The following APC variants were observed in gnomAD, a reference collection of about 807,000 sequenced individuals.
APC encodes the protein adenomatous polyposis coli protein.
Under a neutral mutation model 247.0 loss-of-function variants are expected in APC, and 72 were observed. That is an observed-to-expected ratio of 0.29 (90% CI 0.24 to 0.35). APC has a LOEUF of 0.35. Ranked by LOEUF, APC falls within the 10% of genes least tolerant of loss-of-function variation. The pLI is 1.00. For synonymous variants in APC, 1,254 were observed against 1,162.5 expected (o/e 1.08, Z -1.60); for missense variants, 3,400 against 3,360.7 (o/e 1.01, Z -0.29).
chr5:112,727,310 A>G (rs1751842260), intron 1 of APC, among the ~76,000 whole-genome samples: 2 of 152,168 alleles, frequency 1.3e-5, no homozygotes, highest in Admixed American at 1.3e-4. Flanking sequence ...AAGACCAAGG[A>G]AAGACTTTCA....
At chr5:112,813,633 C>G (rs758631532) in intron 8 of APC, among the ~76,000 whole-genome samples, 4 of 151,886 alleles carry the variant, frequency 2.6e-5, no homozygotes, top group African/African-American at 9.7e-5. Flanking sequence ...AATACGTCAC[C>G]ATAGCTGGGC....
At chr5:112,710,600 T>A (rs1459935313) in intron 1 of APC, among the ~76,000 whole-genome samples, 1 of 152,236 alleles carries the variant, frequency 6.6e-6, no homozygotes, top group Non-Finnish European at 1.5e-5. Context: ...GTGTGTGCTG[T>A]TCAACTCTAG....
intron 9 of APC, 51 bp downstream of exon 9, chr5:112,815,644 A>C (rs562360516): frequency 1.4e-6 from 2 of 1,477,642 alleles, no homozygotes; most frequent in African/African-American, 2.8e-5. Flanking sequence ...TACTTTGCTA[A>C]GACATTCTTG....
At chr5:112,746,663 TCAAAGGAAAA>T (rs1343453257) in intron 1 of APC, among the ~76,000 whole-genome samples, 1 of 152,090 alleles carries the variant, frequency 6.6e-6, no homozygotes, top group Admixed American at 6.6e-5. Context: ...AACTTTAAAC[TCAAAGGAAAA>T]TGCCTAAACA....
chr5:112,786,906 GAGTC>G (rs34244415), intron 6 of APC, among the ~76,000 whole-genome samples: 48,937 of 90,886 alleles, frequency 0.54, 10,615 homozygotes, highest in East Asian at 0.71. Flanking sequence ...TTTTTTTTTT[GAGTC>G]AGAGTCTTAC....
chr5:112,787,161 T>G (rs527741887), intron 6 of APC, among the ~76,000 whole-genome samples: 1 of 152,260 alleles, frequency 6.6e-6, no homozygotes, highest in Admixed American at 6.5e-5. Context: ...ATGTTGAGAT[T>G]ACAGGCGTGA....
chr5:112,740,971 C>T (rs1752945524), intron 1 of APC, among the ~76,000 whole-genome samples: 1 of 152,122 alleles, frequency 6.6e-6, no homozygotes, highest in Non-Finnish European at 1.5e-5. Context: ...ATGTTCTCTT[C>T]AATTTTGATC....
chr5:112,828,823 G>T (rs1406401893), intron 13 of APC, 33 bp from the exon 14 acceptor site: 1 of 1,445,094 alleles, frequency 6.9e-7, no homozygotes, highest in South Asian at 1.1e-5. Context: ...ATGATTTTAT[G>T]TATAAATTAA....
intron 3 of APC, among the ~76,000 whole-genome samples, chr5:112,766,967 AG>A (rs1478328107): frequency 6.6e-5 from 10 of 152,220 alleles, no homozygotes; most frequent in African/African-American, 2.4e-4. Context: ...AGGAAGTCTA[AG>A]GAAGTACATT....
chr5:112,828,166 T>C (rs184437260), intron 13 of APC, among the ~76,000 whole-genome samples, 160 bp downstream of exon 13: 3 of 152,256 alleles, frequency 2.0e-5, no homozygotes, highest in Admixed American at 2.0e-4. Context: ...CTCTCGAGGC[T>C]GGGCCTACAG....
intron 7 of APC, among the ~76,000 whole-genome samples, 158 bp from the exon 8 acceptor site, chr5:112,801,121 C>T (rs934829301): frequency 1.3e-5 from 2 of 152,026 alleles, no homozygotes; most frequent in African/African-American, 4.8e-5. Flanking sequence ...GACCGCCAAT[C>T]GTACTGGAGG....
rs879253876 is a variant in APC at position 112,838,610 on chromosome 5, C to A, written c.3016C>A (p.His1006Asn). The A allele has an allele frequency of 1.2e-6, 2 of 1,614,056 alleles. No homozygotes were observed. The highest frequency in any genetic ancestry group is 1.7e-6 in the Non-Finnish European group (2 of 1,180,004). The change falls in exon 16 of 16, where the codon CAT (histidine) becomes AAT (asparagine). Residue 1006 changes from histidine (H) to asparagine (N), a missense_variant. Transcript: ENST00000257430. ...TGGTCAATACCCAGCCGACCTAGCC[C>A]ATAAAATACATAGTGCAAATCATAT... is the stretch of plus-strand genomic sequence containing the variant. ...SYGQYPADLA[H>N]KIHSANHMDD...
chr5:112,753,763 T>TA (rs1290361045), intron 1 of APC, among the ~76,000 whole-genome samples: 16 of 152,186 alleles, frequency 1.1e-4, no homozygotes, highest in African/African-American at 3.9e-4. Context: ...TAGCCAGTGT[T>TA]ACAACCTGTC....
rs761821491 is a variant in APC at position 112,821,900 on chromosome 5, A to G, written c.1317A>G (p.Pro439=). ...PGMDQDKNPM[P]APVEHQICPA... ...TATGTTGATTTTATTTTTCAGTGCC[A>G]GCTCCTGTTGAACATCAGATCTGTC... Residue 439 remains proline (P), a synonymous_variant, in exon 11 of 16, where the codon CCA becomes CCG. Transcript: ENST00000257430. The G allele has an allele frequency of 5.6e-6, 9 of 1,612,126 alleles. No homozygotes were observed. Among genetic ancestry groups the G allele is most frequent in the Admixed American group, 1.7e-5 (1 of 59,976 alleles).
chr5:112,843,810 A>T lies in APC; in HGVS notation c.8216A>T (p.Lys2739Ile), dbSNP rs2150001184. The T allele has an allele frequency of 1.2e-6, 2 of 1,614,118 alleles. No homozygotes were observed. Among genetic ancestry groups the T allele is most frequent in the Non-Finnish European group, 1.7e-6 (2 of 1,179,966 alleles). Residue 2739 changes from lysine to isoleucine, a missense_variant, in exon 16 of 16, where the codon AAA becomes ATA. Around this residue, in one of 9 missense-constraint regions of APC, gnomAD observed 1,788 missense variants for 1,649.5 expected, o/e 1.08. Coordinates refer to ENST00000257430, the MANE Select transcript of APC (RefSeq NM_000038.6). This position sits in a 1 kb window ranked among gnomAD's most constrained non-coding sequence, Gnocchi z 4.8. ...DAPDQKGTEI[K>I]PGQNNPVPVS... ...CCTGACCAAAAAGGAACTGAGATAAAACCAGGACAAAATAATCCTGTCCCT... is the reference window on the plus strand; with the variant it reads ...CCTGACCAAAAAGGAACTGAGATAATACCAGGACAAAATAATCCTGTCCCT...
At chr5:112,763,701 CACA>C (rs760504540) in intron 2 of APC, among the ~76,000 whole-genome samples, 5 of 152,082 alleles carry the variant, frequency 3.3e-5, no homozygotes, top group African/African-American at 4.8e-5. Flanking sequence ...AAAAGTATGA[CACA>C]ACAAGTAAAA....
At chr5:112,756,398 C>G in intron 2 of APC, among the ~76,000 whole-genome samples, 1 of 152,126 alleles carries the variant, frequency 6.6e-6, no homozygotes, top group Non-Finnish European at 1.5e-5. Flanking sequence ...TATGGGTGAC[C>G]TAAAAAGACT....
At chr5:112,776,998 T>G (rs1757733437) in intron 5 of APC, among the ~76,000 whole-genome samples, 1 of 152,240 alleles carries the variant, frequency 6.6e-6, no homozygotes, top group East Asian at 1.9e-4. Flanking sequence ...ATTTTTCATT[T>G]TAGAAATTTT....
chr5:112,842,204 C>G lies in APC; in HGVS notation c.6610C>G (p.Arg2204Gly), dbSNP rs752654519. 5.6e-6 allele frequency: 9 copies of G among 1,613,104 alleles called. No homozygotes were observed. Among genetic ancestry groups the G allele is most frequent in the Non-Finnish European group, 4.2e-6 (5 of 1,179,228 alleles). The change falls in exon 16 of 16, where the codon CGA (arginine) becomes GGA (glycine). Residue 2204 changes from arginine (R) to glycine (G), a missense_variant. By Grantham distance (125) the Arg-to-Gly change is moderately radical. This residue lies in a region of APC where 1,788 missense variants were observed against 1,649.5 expected (regional missense o/e 1.08). Coordinates refer to ENST00000257430, the MANE Select transcript of APC (RefSeq NM_000038.6). The stretch of plus-strand genomic sequence containing the variant: ...TAAAAGTTTGATTACTGGAAAAGTT[C>G]GATCTAATTCAGAAATTTCAGGCCA... ...VYKSLITGKV[R>G]SNSEISGQMK...
Sources: allele counts gnomAD v4.1 joint callset (sites outside exome capture counted in the v4.1 genomes callset), GRCh38; gene constraint gnomAD v4.1.1; regional missense constraint gnomAD v4.1.1; non-coding constraint Gnocchi (gnomAD v3.1); transcripts MANE v1.5; gene names NCBI Gene and HGNC (gene_info 2026-07-23, HGNC 2026-07-21).